The following SV2C variants were observed in gnomAD, a reference collection of about 807,000 sequenced individuals.
SV2C encodes the protein synaptic vesicle glycoprotein 2C, also known as solute carrier family 22 member B3.
In SV2C, 49 loss-of-function variants were observed where a neutral mutation model predicts 79.7. That is an observed-to-expected ratio of 0.61 (90% CI 0.49 to 0.78). The LOEUF (loss-of-function observed/expected upper bound fraction) is 0.78. Ranked by LOEUF, SV2C falls within the 30% of genes least tolerant of loss-of-function variation. The probability of loss-of-function intolerance (pLI) is 0.00; values close to 1 mark genes in which losing one functional copy is unlikely to be tolerated. For missense variants in SV2C, 833 were observed against 912.9 expected, an observed-to-expected ratio of 0.91 and a Z score of 1.13; for synonymous variants, 334 against 333.2, an observed-to-expected ratio of 1.00 and a Z score of -0.03.
intron 1 of SV2C, among the ~76,000 whole-genome samples, chr5:76,094,430 G>T (rs541689857): frequency 6.6e-6 from 1 of 152,128 alleles, no homozygotes; most frequent in Admixed American, 6.5e-5. Flanking sequence ...GTACTCTTGT[G>T]TCTGTTTTCT....
intron 9 of SV2C, chr5:76,296,183 G>C (rs1747751575): frequency 3.7e-6 from 1 of 266,740 alleles, no homozygotes; most frequent in African/African-American, 2.2e-5. Context: ...TTAGGTAGTG[G>C]ACTTGACTGG....
At chr5:75,863,780 TATC>T in the SV2C span, among the ~76,000 whole-genome samples, 1 of 152,230 alleles carries the variant, frequency 6.6e-6, no homozygotes, top group Non-Finnish European at 1.5e-5. Context: ...TGTGTCCAAA[TATC>T]ATTTTGAGAA....
chr5:76,142,903 C>CTTTTTTT (rs372569739), intron 2 of SV2C, among the ~76,000 whole-genome samples: 1 of 134,574 alleles, frequency 7.4e-6, no homozygotes, highest in Non-Finnish European at 1.6e-5. Flanking sequence ...TTTTCTTTTC[C>CTTTTTTT]TTTTTTTTTG....
the SV2C span, among the ~76,000 whole-genome samples, chr5:75,867,108 A>AC: frequency 6.6e-6 from 1 of 152,144 alleles, no homozygotes; most frequent in African/African-American, 2.4e-5. Context: ...GCTTCTCCAC[A>AC]CCCCCAGGCT....
chr5:76,100,614 G>A (rs1478593327), intron 1 of SV2C, among the ~76,000 whole-genome samples: 1 of 152,168 alleles, frequency 6.6e-6, no homozygotes. Context: ...ATGCTAATTA[G>A]GAGAACTGAG....
intron 2 of SV2C, among the ~76,000 whole-genome samples, chr5:76,184,160 C>A (rs1036873929): frequency 1.3e-5 from 2 of 152,152 alleles, no homozygotes; most frequent in African/African-American, 4.8e-5. Context: ...AGATAAAGAA[C>A]CTCTGGGTGT....
chr5:76,344,954 A>G (rs952963260), intron 12 of SV2C, among the ~76,000 whole-genome samples: 1 of 152,206 alleles, frequency 6.6e-6, no homozygotes, highest in Non-Finnish European at 1.5e-5. Flanking sequence ...GACAGGCACA[A>G]TTCAACCCTA....
the SV2C span, among the ~76,000 whole-genome samples, chr5:75,878,650 T>C: frequency 3.4e-4 from 51 of 152,126 alleles, no homozygotes; most frequent in African/African-American, 1.1e-3. Context: ...GAAATTCATG[T>C]CTATAGTGGT....
chr5:75,915,940 C>T, the SV2C span, among the ~76,000 whole-genome samples: 4 of 152,030 alleles, frequency 2.6e-5, no homozygotes, highest in Admixed American at 6.6e-5. Context: ...GGGGCTCTTG[C>T]GTGCTTGCAA....
chr5:76,249,797 G>GC (rs777490599), intron 4 of SV2C, among the ~76,000 whole-genome samples: 5 of 152,112 alleles, frequency 3.3e-5, no homozygotes, highest in African/African-American at 4.8e-5. Context: ...TTTTTGTGCG[G>GC]CGTCAGTGGC....
At chr5:76,349,156 G>T (rs1015031922) in intron 12 of SV2C, among the ~76,000 whole-genome samples, 5 of 152,136 alleles carry the variant, frequency 3.3e-5, no homozygotes, top group African/African-American at 1.2e-4. Context: ...TACCTCTTGG[G>T]GTTGTTGAGT....
At chr5:76,312,179 T>C (rs1178328965) in intron 12 of SV2C, among the ~76,000 whole-genome samples, 3 of 152,032 alleles carry the variant, frequency 2.0e-5, no homozygotes, top group African/African-American at 7.3e-5. Context: ...AGGTGTTAAC[T>C]TTCTGCTGCC....
chr5:76,351,396 C>T (rs1176090538), intron 12 of SV2C, among the ~76,000 whole-genome samples: 1 of 151,782 alleles, frequency 6.6e-6, no homozygotes, highest in Non-Finnish European at 1.5e-5. Context: ...TGCAGTGAGC[C>T]ATGATCGCAC....
At chr5:75,917,444 T>C in the SV2C span, among the ~76,000 whole-genome samples, 1 of 152,240 alleles carries the variant, frequency 6.6e-6, no homozygotes, top group African/African-American at 2.4e-5. Context: ...TAAATAAATA[T>C]TGACCACAGA....
At chr5:76,302,843 G>A (rs1322480377) in intron 12 of SV2C, among the ~76,000 whole-genome samples, 1 of 151,978 alleles carries the variant, frequency 6.6e-6, no homozygotes, top group African/African-American at 2.4e-5. Context: ...GAAGTCCTCT[G>A]TGCCAGAGGG....
At chr5:75,966,213 A>C in the SV2C span, among the ~76,000 whole-genome samples, 1 of 152,208 alleles carries the variant, frequency 6.6e-6, no homozygotes, top group African/African-American at 2.4e-5. Context: ...AGTTCTTTCT[A>C]AGTTAGTTAT....
At chr5:76,010,304 A>G in the SV2C span, among the ~76,000 whole-genome samples, 2 of 152,232 alleles carry the variant, frequency 1.3e-5, no homozygotes, top group East Asian at 3.9e-4. Flanking sequence ...CCTGCTCGTC[A>G]GGGTGGGGGA....
the SV2C span, among the ~76,000 whole-genome samples, chr5:76,021,964 G>A: frequency 7.3e-4 from 111 of 152,076 alleles, no homozygotes; most frequent in Middle Eastern, 3.4e-3. Context: ...AACTATTCTT[G>A]GATCATTTCT....
intron 2 of SV2C, among the ~76,000 whole-genome samples, chr5:76,163,690 T>C (rs920037025): frequency 1.3e-5 from 2 of 152,220 alleles, no homozygotes; most frequent in African/African-American, 4.8e-5. Flanking sequence ...TCACACAGAT[T>C]AAACATTTTA....
Sources: allele counts gnomAD v4.1 joint callset (sites outside exome capture counted in the v4.1 genomes callset), GRCh38; gene constraint gnomAD v4.1.1; transcripts MANE v1.5; gene names NCBI Gene and HGNC (gene_info 2026-07-23, HGNC 2026-07-21).